The following TRDMT1 variants were observed in gnomAD, a reference collection of about 807,000 sequenced individuals.
TRDMT1 encodes tRNA (cytosine(38)-C(5))-methyltransferase.
TRDMT1 carries 49 observed loss-of-function variants against 51.2 expected under a neutral mutation model. The ratio of observed to expected loss-of-function variants is 0.96; its 90% CI spans 0.76 to 1.21. The LOEUF is 1.21. Ranked by LOEUF, TRDMT1 falls within the 50% of genes most tolerant of loss-of-function variation. The pLI, the probability that TRDMT1 is intolerant of heterozygous loss-of-function variation, is 0.00. For synonymous variants in TRDMT1, 187 were observed against 164.6 expected, an observed-to-expected ratio of 1.14 and a Z score of -1.04; for missense variants, 534 against 462.3, an observed-to-expected ratio of 1.16 and a Z score of -1.42.
intron 1 of TRDMT1, among the ~76,000 whole-genome samples, chr10:17,189,302 G>C (rs994188620): frequency 6.6e-6 from 1 of 152,060 alleles, no homozygotes; most frequent in African/African-American, 2.4e-5. Context: ...CAGTCATGAA[G>C]GAAATGCAAA....
At position 17,144,143 on chromosome 10, in the gene TRDMT1, C is replaced by T. The variant is rs1202253036; in HGVS notation, c.*4897G>A. On this transcript the variant is annotated 3_prime_UTR_variant, in exon 11 of 11. Transcript: ENST00000377799. Reference sequence around the variant, plus strand: ...ACGGAACCTTCAGATAAGTCAGCTCCAAGCCTCTGCTCTTCTTTTTCTCTT... The same window carrying T: ...ACGGAACCTTCAGATAAGTCAGCTCTAAGCCTCTGCTCTTCTTTTTCTCTT... 1 of 985,364 alleles carries T rather than the reference C, an allele frequency of 1.0e-6. No homozygotes were observed. The highest frequency in any genetic ancestry group is 1.2e-6 in the Non-Finnish European group (1 of 829,940). The allele number at this position is 985,364 out of a possible 1,614,324, so 61.0% of individuals were successfully genotyped here.
In TRDMT1 at chr10:17,149,146, A is replaced by G; in HGVS notation, c.1076-6T>C. The G allele has an allele frequency of 1.3e-6, 2 of 1,592,316 alleles. No individual in the cohort carries two copies. The highest frequency in any genetic ancestry group is 1.7e-6 in the Non-Finnish European group (2 of 1,164,656). The stretch of plus-strand genomic sequence containing the variant: ...TGTTATCTTCTCAGGAAATCCTAAA[A>G]AGACAAAGAACAATTTAAAGAAATC... On this transcript the variant is annotated splice_polypyrimidine_tract_variant and splice_region_variant and intron_variant, in intron 10 of 10. Transcript: ENST00000377799.
At chr10:17,188,591 T>C (rs189821928) in intron 1 of TRDMT1, among the ~76,000 whole-genome samples, 10 of 152,304 alleles carry the variant, frequency 6.6e-5, no homozygotes, top group African/African-American at 1.7e-4. Flanking sequence ...TTTGGAAATA[T>C]TGTATATTTT....
At chr10:17,177,212 T>TTTATTTATTTATTTATTTATTTA (rs1564314954) in intron 1 of TRDMT1, among the ~76,000 whole-genome samples, 3 of 6,746 alleles carry the variant, frequency 4.4e-4, no homozygotes, top group African/African-American at 1.1e-3. Context: ...TTATTTATTT[T>TTTATTTATTTATTTATTTATTTA]TTGAGATAGT....
chr10:17,166,910 C>T (rs1426332698), intron 3 of TRDMT1, among the ~76,000 whole-genome samples: 1 of 152,144 alleles, frequency 6.6e-6, no homozygotes, highest in South Asian at 2.1e-4. Context: ...CCTAGAGCCA[C>T]CCTGAGATGG....
At chr10:17,154,136 T>C (rs1291805442) in intron 9 of TRDMT1, among the ~76,000 whole-genome samples, 2 of 152,204 alleles carry the variant, frequency 1.3e-5, no homozygotes, top group African/African-American at 4.8e-5. Flanking sequence ...GGGTAAATTT[T>C]ATCAGTAGTT....
intron 2 of TRDMT1, among the ~76,000 whole-genome samples, chr10:17,171,268 C>T (rs974347671): frequency 6.6e-6 from 1 of 152,108 alleles, no homozygotes; most frequent in African/African-American, 2.4e-5. Context: ...GCCAAGGCCT[C>T]CTTGTGTGGG....
At chr10:17,183,025 T>C (rs1843463916) in intron 1 of TRDMT1, among the ~76,000 whole-genome samples, 1 of 152,190 alleles carries the variant, frequency 6.6e-6, no homozygotes, top group Non-Finnish European at 1.5e-5. Flanking sequence ...GTGGTATAAA[T>C]TGACATAATT....
In TRDMT1 at chr10:17,147,427, C is replaced by A; in HGVS notation, c.*1613G>T. The A allele has an allele frequency of 1.2e-6, 1 of 856,972 alleles. No individual in the cohort carries two copies. Among genetic ancestry groups the A allele is most frequent in the South Asian group, 5.4e-5 (1 of 18,680 alleles). 53.1% of individuals were successfully genotyped at this position (856,972 alleles called of 1,614,324 possible). A position where few individuals can be genotyped will look rare whatever the true frequency, so the allele number is the denominator to read the frequency against. ...CATAATGTAAAATTTATCATTTTAA[C>A]TATTTTTAAATATACAGTTGCAGTG... On this transcript the variant is annotated 3_prime_UTR_variant, in exon 11 of 11. Transcript: ENST00000377799.
chr10:17,154,909 T>A (rs1156730363), intron 8 of TRDMT1, among the ~76,000 whole-genome samples, 175 bp from the exon 9 acceptor site: 2 of 152,132 alleles, frequency 1.3e-5, no homozygotes, highest in African/African-American at 4.8e-5. Flanking sequence ...AAAGACATAA[T>A]ATAGTTTCAT....
intron 1 of TRDMT1, among the ~76,000 whole-genome samples, chr10:17,189,455 T>G (rs978034127): frequency 3.9e-5 from 6 of 152,102 alleles, no homozygotes; most frequent in Non-Finnish European, 7.4e-5. Flanking sequence ...ATTCTGACAG[T>G]TCAAAATTAA....
chr10:17,140,340 C>T lies in TRDMT1; in HGVS notation c.*8700G>A, dbSNP rs1837576145. Reference sequence around the variant, plus strand: ...AAGTGCTGGGATTACAGGTGTGAGGCACCATGCCCAGCACTTCTTTTCTTT... The same window carrying T: ...AAGTGCTGGGATTACAGGTGTGAGGTACCATGCCCAGCACTTCTTTTCTTT... On this transcript the variant is annotated 3_prime_UTR_variant, in exon 11 of 11. Coordinates refer to ENST00000377799, the MANE Select transcript of TRDMT1 (RefSeq NM_004412.7). 6.6e-6 allele frequency among the ~76,000 whole-genome samples: 1 copy of T among 151,682 alleles called. No homozygotes were observed.
Position 17,159,129 on chromosome 10 carries a change from A to C in TRDMT1, c.543+17T>G. The stretch of plus-strand genomic sequence containing the variant: ...AAATAAGCCATAATATTCATAATAA[A>C]ATTCCAATAATAATACCTGACCAGG... On this transcript the variant is annotated intron_variant, in intron 7 of 10. Transcript: ENST00000377799. The C allele has an allele frequency of 6.6e-7, 1 of 1,514,764 alleles. No homozygotes were observed. 93.8% of individuals were successfully genotyped at this position (1,514,764 alleles called of 1,614,324 possible).
At position 17,145,230 on chromosome 10, in the gene TRDMT1, G is replaced by C. The variant is rs1028499124; in HGVS notation, c.*3810C>G. The C allele has an allele frequency of 7.6e-5, 65 of 855,164 alleles. No individual in the cohort carries two copies. The highest frequency in any genetic ancestry group is 6.8e-5 in the Non-Finnish European group (49 of 715,680). The allele number at this position is 855,164 out of a possible 1,614,324, so 53.0% of individuals were successfully genotyped here. A position where few individuals can be genotyped will look rare whatever the true frequency, so the allele number is the denominator to read the frequency against. ...CCACTGCACTCCAGCCTAGGCAACA[G>C]AGCGAGACTCAGTCTCAAAAACAAA... On this transcript the variant is annotated 3_prime_UTR_variant, in exon 11 of 11. Transcript: ENST00000377799.
At chr10:17,153,175 A>T in intron 10 of TRDMT1, 1 of 421,708 alleles carries the variant, frequency 2.4e-6, no homozygotes, top group East Asian at 3.5e-5. Flanking sequence ...TGATTAGGAG[A>T]GGACCTCTGG....
At chr10:17,157,872 A>C in intron 7 of TRDMT1, 88 bp from the exon 8 acceptor site, 1 of 1,009,346 alleles carries the variant, frequency 9.9e-7, no homozygotes, top group South Asian at 1.7e-5. Flanking sequence ...TACGAAAACA[A>C]CCTCATTAGC....
intron 1 of TRDMT1, among the ~76,000 whole-genome samples, chr10:17,192,086 A>T (rs1274832072): frequency 6.6e-6 from 1 of 152,198 alleles, no homozygotes; most frequent in East Asian, 1.9e-4. Context: ...GCAAAAATTA[A>T]GTCTGACAAG....
At chr10:17,192,306 G>A (rs139156851) in intron 1 of TRDMT1, among the ~76,000 whole-genome samples, 45 of 152,248 alleles carry the variant, frequency 3.0e-4, no homozygotes, top group African/African-American at 1.1e-3. Context: ...GGCAAGTTTT[G>A]GAAGGGATCA....
At chr10:17,168,110 C>T (rs1417218399) in intron 3 of TRDMT1, among the ~76,000 whole-genome samples, 4 of 151,838 alleles carry the variant, frequency 2.6e-5, no homozygotes, top group East Asian at 1.9e-4. Context: ...TTAGGCCAGC[C>T]GTGGCAACAT....
Sources: allele counts gnomAD v4.1 joint callset (sites outside exome capture counted in the v4.1 genomes callset), GRCh38; gene constraint gnomAD v4.1.1; transcripts MANE v1.5; gene names NCBI Gene and HGNC (gene_info 2026-07-23, HGNC 2026-07-21).